The following SCAI variants were observed in gnomAD, a reference collection of about 807,000 sequenced individuals.
SCAI encodes suppressor of cancer cell invasion.
In SCAI, 24 loss-of-function variants were observed where a neutral mutation model predicts 92.2. The ratio of observed to expected loss-of-function variants is 0.26; its 90% CI spans 0.19 to 0.37. The LOEUF is 0.37. Ranked by LOEUF, SCAI falls within the 10% of genes least tolerant of loss-of-function variation. SCAI has a pLI of 1.00. For synonymous variants in SCAI, 261 were observed against 258.6 expected (o/e 1.01, Z -0.09); for missense variants, 450 against 736.2 (o/e 0.61, Z 4.50).
chr9:125,067,442 C>T (rs186005164), intron 2 of SCAI, among the ~76,000 whole-genome samples: 16 of 152,080 alleles, frequency 1.1e-4, no homozygotes, highest in African/African-American at 3.6e-4. Context: ...TGAAGACAGA[C>T]AGGAAGGAAG....
At chr9:125,111,965 G>C (rs921692202) in intron 2 of SCAI, among the ~76,000 whole-genome samples, 1 of 152,112 alleles carries the variant, frequency 6.6e-6, no homozygotes. Flanking sequence ...CAAGTATTCC[G>C]CCAAGTACTG....
In SCAI at chr9:124,944,310, T is replaced by A. The variant is rs1831106820; in HGVS notation, c.*8497A>T. On this transcript the variant is annotated 3_prime_UTR_variant, in exon 18 of 18. Transcript: ENST00000336505. ...TAGTAATAAAAATTCCTTTTTTTTT[T>A]TTTTTTGAGAATGAGTCTTGCTCTG... is the stretch of plus-strand genomic sequence containing the variant. 1.3e-5 allele frequency: 2 copies of A among 151,446 alleles called. No individual in the cohort carries two copies. Among genetic ancestry groups the A allele is most frequent in the Admixed American group, 1.3e-4 (2 of 15,218 alleles). The allele number at this position is 151,446 out of a possible 1,614,324, so 9.4% of individuals were successfully genotyped here.
Position 125,055,890 on chromosome 9 carries a change from C to T in SCAI, c.216G>A (p.Leu72=). ...AGTCCACTCACCTTAACCCATTGAA[C>T]AGTTGCTTAGATTTATCCAGAAGAT... ...FCYLLDKSKQ[L]FNGLRDLPQY... Residue 72 remains leucine, a synonymous_variant, in exon 3 of 18, where the codon CTG becomes CTA. Coordinates refer to ENST00000336505, the MANE Select transcript of SCAI (RefSeq NM_001144877.3). The T allele has an allele frequency of 6.2e-7, 1 of 1,611,406 alleles. No homozygotes were observed. Among genetic ancestry groups the T allele is most frequent in the Non-Finnish European group, 8.5e-7 (1 of 1,179,092 alleles).
At chr9:125,056,922 C>A (rs1325387068) in intron 2 of SCAI, among the ~76,000 whole-genome samples, 1 of 152,170 alleles carries the variant, frequency 6.6e-6, no homozygotes, top group Non-Finnish European at 1.5e-5. Flanking sequence ...CACACGTACA[C>A]ACACAGACGT....
chr9:125,129,454 CTTTTTTTT>C (rs1171739834), intron 2 of SCAI, among the ~76,000 whole-genome samples: 18 of 67,576 alleles, frequency 2.7e-4, no homozygotes, highest in Admixed American at 3.7e-4. Flanking sequence ...ATTAGAATTT[CTTTTTTTT>C]TTTTTTTTTT....
chr9:125,041,095 T>C (rs914653843), intron 3 of SCAI, among the ~76,000 whole-genome samples: 13 of 152,172 alleles, frequency 8.5e-5, no homozygotes, highest in Non-Finnish European at 1.6e-4. Flanking sequence ...AAGCAAAATA[T>C]TTTCCTACCT....
intron 2 of SCAI, among the ~76,000 whole-genome samples, chr9:125,058,876 G>C (rs1020765771): frequency 6.6e-6 from 1 of 152,190 alleles, no homozygotes; most frequent in Non-Finnish European, 1.5e-5. Context: ...AAAGACATAG[G>C]ATCAAGCTTG....
chr9:125,092,131 TAAAAAAAAA>T (rs71374225), intron 2 of SCAI, among the ~76,000 whole-genome samples: 14 of 61,142 alleles, frequency 2.3e-4, no homozygotes, highest in East Asian at 8.1e-4. Flanking sequence ...CTCCGTCTCT[TAAAAAAAAA>T]AAAAAAAAAA....
intron 3 of SCAI, among the ~76,000 whole-genome samples, chr9:125,031,323 G>A (rs1014152930): frequency 2.0e-5 from 3 of 151,564 alleles, no homozygotes; most frequent in African/African-American, 4.9e-5. Context: ...GTGCAGTGGC[G>A]TGATCTTGGC....
intron 14 of SCAI, among the ~76,000 whole-genome samples, chr9:124,986,928 A>G (rs1174648098): frequency 6.6e-6 from 1 of 152,216 alleles, no homozygotes; most frequent in Admixed American, 6.5e-5. Context: ...TCTGTAAGTC[A>G]TTTTCACAGG....
At chr9:125,008,771 C>G (rs1482602126) in intron 9 of SCAI, among the ~76,000 whole-genome samples, 1 of 151,976 alleles carries the variant, frequency 6.6e-6, no homozygotes, top group African/African-American at 2.4e-5. Context: ...AGAGAAAGAA[C>G]AGAAGGGAAA....
chr9:125,029,821 C>G (rs924772595), intron 3 of SCAI, 82 bp from the exon 4 acceptor site: 12 of 766,960 alleles, frequency 1.6e-5, no homozygotes, highest in South Asian at 2.6e-5. Context: ...ACAAACCAGA[C>G]AGATGAAAAA....
chr9:124,957,507 C>T (rs1337182973), intron 17 of SCAI, among the ~76,000 whole-genome samples: 6 of 148,226 alleles, frequency 4.0e-5, no homozygotes, highest in Admixed American at 2.1e-4. Context: ...GGACTACAGG[C>T]ATACGCCACC....
chr9:125,134,102 G>A (rs958198909), intron 2 of SCAI, among the ~76,000 whole-genome samples: 4 of 152,066 alleles, frequency 2.6e-5, no homozygotes, highest in Non-Finnish European at 5.9e-5. Context: ...CCTGAATTTA[G>A]TTCACCCAAG....
intron 2 of SCAI, among the ~76,000 whole-genome samples, chr9:125,081,235 TGG>T (rs1834210272): frequency 6.6e-6 from 1 of 152,192 alleles, no homozygotes; most frequent in African/African-American, 2.4e-5. Flanking sequence ...AGGCAGAGGT[TGG>T]AACAGTTTGG....
intron 2 of SCAI, among the ~76,000 whole-genome samples, chr9:125,136,911 C>T (rs1835546723): frequency 1.3e-5 from 2 of 151,764 alleles, no homozygotes; most frequent in African/African-American, 2.4e-5. Context: ...CAGGCATGCG[C>T]CATTGTGCCT....
rs1831086071 is a variant in SCAI, at chr9:124,943,174, A to G, written c.*9633T>C. 6.6e-6 allele frequency: 1 copy of G among 152,248 alleles called. No individual in the cohort carries two copies. The highest frequency in any genetic ancestry group is 6.5e-5 in the Admixed American group (1 of 15,284). 9.4% of individuals were successfully genotyped at this position (152,248 alleles called of 1,614,324 possible). The stretch of plus-strand genomic sequence containing the variant: ...AGAACACAACTGACAAGACTTTTAC[A>G]ATACCACAAATGTTCAAGTCAAATG... On this transcript the variant is annotated 3_prime_UTR_variant, in exon 18 of 18. Transcript: ENST00000336505.
chr9:125,137,373 T>C (rs1287687151), intron 2 of SCAI, among the ~76,000 whole-genome samples: 1 of 152,208 alleles, frequency 6.6e-6, no homozygotes, highest in South Asian at 2.1e-4. Flanking sequence ...CTAAAGGATT[T>C]GTTCACTCAA....
intron 15 of SCAI, among the ~76,000 whole-genome samples, chr9:124,973,742 C>T (rs1042424879): frequency 6.6e-6 from 1 of 152,108 alleles, no homozygotes; most frequent in Non-Finnish European, 1.5e-5. Context: ...CAAGGAGAAT[C>T]GCTTGAACTT....
Sources: gnomAD v4.1 joint callset for allele counts (sites outside exome capture counted in the v4.1 genomes callset) on GRCh38, gnomAD v4.1.1 for gene constraint, MANE v1.5 for transcripts, NCBI Gene and HGNC (gene_info 2026-07-23, HGNC 2026-07-21) for gene names.